The following SGK3 variants were observed in gnomAD, a reference collection of about 807,000 sequenced individuals.
The protein encoded by SGK3 is serum/glucocorticoid regulated kinase family member 3.
SGK3 carries 47 observed loss-of-function variants against 68.5 expected under a neutral mutation model. The ratio of observed to expected loss-of-function variants is 0.69; its 90% CI spans 0.54 to 0.87. The LOEUF (loss-of-function observed/expected upper bound fraction) is 0.87, where lower values mean the gene tolerates loss of function less well. SGK3 is among the 40% of genes least tolerant of loss of function. The pLI is 0.00. For missense variants in SGK3, 479 were observed against 575.5 expected, an observed-to-expected ratio of 0.83 and a Z score of 1.72; for synonymous variants, 181 against 189.1, an observed-to-expected ratio of 0.96 and a Z score of 0.35.
chr8:66,766,101 A>C (rs529770593), intron 1 of SGK3, among the ~76,000 whole-genome samples: 1 of 152,118 alleles, frequency 6.6e-6, no homozygotes, highest in East Asian at 1.9e-4. Flanking sequence ...TAGTTAGAGA[A>C]CATACTTTGT....
chr8:66,826,671 G>C (rs1346270335), intron 6 of SGK3, among the ~76,000 whole-genome samples: 1 of 145,450 alleles, frequency 6.9e-6, no homozygotes, highest in Non-Finnish European at 1.5e-5. Flanking sequence ...TTTTGAGACA[G>C]TCTCATTTTG....
chr8:66,741,653 G>A (rs1162195576), intron 1 of SGK3, among the ~76,000 whole-genome samples: 1 of 152,012 alleles, frequency 6.6e-6, no homozygotes, highest in African/African-American at 2.4e-5. Flanking sequence ...GATTGCTTGA[G>A]CCTAGGAGTT....
rs569523752 is a variant in SGK3 at position 66,800,213 on chromosome 8, C to T, written c.180+1588C>T. Among the ~76,000 whole-genome samples the T allele has an allele frequency of 5.3e-5, 8 of 151,202 alleles. No homozygotes were observed. In the South Asian group the frequency reaches 6.3e-4, roughly 12 times the overall value. On this transcript the variant is annotated intron_variant, in intron 3 of 16. Transcript: ENST00000521198. ...AAAATTAGCCAGGCGTGGTGGTGGG[C>T]GCCTGTAGTCCCAGCTACTTGGGAG...
chr8:66,791,667 C>A (rs752862377), intron 1 of SGK3, among the ~76,000 whole-genome samples: 2 of 152,208 alleles, frequency 1.3e-5, no homozygotes, highest in African/African-American at 2.4e-5. Context: ...AAAGTACCAG[C>A]AGGACCTGCC....
At chr8:66,799,927 A>G (rs1268422136) in intron 3 of SGK3, among the ~76,000 whole-genome samples, 1 of 152,216 alleles carries the variant, frequency 6.6e-6, no homozygotes, top group African/African-American at 2.4e-5. Context: ...CTTGGCCTCA[A>G]ATCCCAAATT....
At chr8:66,814,586 T>A (rs1278178218) in intron 5 of SGK3, among the ~76,000 whole-genome samples, 3 of 152,130 alleles carry the variant, frequency 2.0e-5, no homozygotes, top group African/African-American at 4.8e-5. Context: ...TTGAAGGAGT[T>A]GTCTGGGGTT....
At chr8:66,763,760 G>A (rs534000617) in intron 1 of SGK3, among the ~76,000 whole-genome samples, 5 of 151,510 alleles carry the variant, frequency 3.3e-5, no homozygotes, top group African/African-American at 1.2e-4. Flanking sequence ...GGTTTTTTTG[G>A]TTTTTTTAAA....
At position 66,786,716 on chromosome 8, in the gene SGK3, G is replaced by T. The variant is rs1000146918; in HGVS notation, c.-121-6900G>T. The stretch of plus-strand genomic sequence containing the variant: ...TTGGCTTCTCTTTCCAGATACAATT[G>T]AGGCAAGTGGGTGGAATCTCTTTCA... On this transcript the variant is annotated intron_variant, in intron 1 of 16. Coordinates refer to ENST00000521198, the MANE Select transcript of SGK3 (RefSeq NM_001033578.3). Among the ~76,000 whole-genome samples the T allele has an allele frequency of 2.6e-5, 4 of 152,176 alleles. No individual in the cohort carries two copies. In the South Asian group the frequency reaches 8.3e-4, roughly 31 times the overall value.
chr8:66,753,658 C>T (rs56101481), intron 1 of SGK3, among the ~76,000 whole-genome samples: 151 of 152,244 alleles, frequency 9.9e-4, no homozygotes, highest in African/African-American at 3.5e-3. Flanking sequence ...AACCCCGTCT[C>T]TACTAAAAAT....
intron 1 of SGK3, among the ~76,000 whole-genome samples, chr8:66,773,265 T>G (rs1462253071): frequency 6.6e-6 from 1 of 152,172 alleles, no homozygotes; most frequent in African/African-American, 2.4e-5. Flanking sequence ...AATCTGTTCT[T>G]TATACAGAGA....
chr8:66,791,640 G>A (rs945408819), intron 1 of SGK3, among the ~76,000 whole-genome samples: 1 of 152,178 alleles, frequency 6.6e-6, no homozygotes, highest in Non-Finnish European at 1.5e-5. Flanking sequence ...CTATAGCACA[G>A]CAAGGCACAA....
At chr8:66,804,846 T>C (rs928471845) in intron 4 of SGK3, among the ~76,000 whole-genome samples, 2 of 152,126 alleles carry the variant, frequency 1.3e-5, no homozygotes, top group African/African-American at 4.8e-5. Flanking sequence ...CGAAACACTT[T>C]GGGAGGCCAA....
At position 66,747,456 on chromosome 8, in the gene SGK3, G is replaced by A. The variant is rs145961021; in HGVS notation, c.-122+34623G>A. Among the ~76,000 whole-genome samples the A allele has an allele frequency of 4.5e-4, 69 of 152,214 alleles. 1 individual carries two copies. In the East Asian group the frequency reaches 0.012, roughly 27 times the overall value. ...AGAATGCCTGTTTTAGAAAGTCCAG[G>A]GCTAGACTTGCAGGAGAACTAAAGG... On this transcript the variant is annotated intron_variant, in intron 1 of 16. Transcript: ENST00000521198.
chr8:66,858,243 A>G (rs1810603926), intron 16 of SGK3, among the ~76,000 whole-genome samples: 1 of 152,112 alleles, frequency 6.6e-6, no homozygotes, highest in Non-Finnish European at 1.5e-5. Flanking sequence ...AGGCAGGTGG[A>G]TCACGAGGTC....
At chr8:66,723,626 G>T (rs1804889820) in intron 1 of SGK3, among the ~76,000 whole-genome samples, 1 of 152,020 alleles carries the variant, frequency 6.6e-6, no homozygotes, top group African/African-American at 2.4e-5. Context: ...TTTATTTTTT[G>T]TAGAGATGGG....
At chr8:66,832,795 T>C (rs1490988703) in intron 8 of SGK3, among the ~76,000 whole-genome samples, 1 of 152,114 alleles carries the variant, frequency 6.6e-6, no homozygotes, top group African/African-American at 2.4e-5. Context: ...TAGAGTCTTA[T>C]CAGGATTTGG....
At chr8:66,819,421 A>G (rs1380916477) in intron 5 of SGK3, among the ~76,000 whole-genome samples, 20 of 152,310 alleles carry the variant, frequency 1.3e-4, no homozygotes. Context: ...ATGCACAAAG[A>G]TTGTCAACTG....
intron 16 of SGK3, among the ~76,000 whole-genome samples, chr8:66,856,864 G>A (rs57792700): frequency 0.033 from 4,997 of 152,202 alleles, 290 homozygotes; most frequent in African/African-American, 0.11. Context: ...AGGCCGAGAC[G>A]GGCATATCAC....
intron 10 of SGK3, among the ~76,000 whole-genome samples, chr8:66,838,310 C>A (rs569974359): frequency 6.6e-6 from 1 of 152,122 alleles, no homozygotes; most frequent in Non-Finnish European, 1.5e-5. Context: ...ATGATCCACC[C>A]GCCTCAGCCT....
Sources: allele counts gnomAD v4.1 joint callset (sites outside exome capture counted in the v4.1 genomes callset), GRCh38; gene constraint gnomAD v4.1.1; transcripts MANE v1.5; gene names NCBI Gene and HGNC (gene_info 2026-07-23, HGNC 2026-07-21).